PCTP: variants seen among roughly 807,000 people sequenced by gnomAD.
PCTP encodes the protein START domain-containing protein 2.
Under a neutral mutation model 31.0 loss-of-function variants are expected in PCTP, and 27 were observed. That is an observed-to-expected ratio of 0.87 (90% confidence interval 0.64 to 1.20). The LOEUF is 1.20. PCTP is among the 50% of genes most tolerant of loss of function. The pLI, the probability that PCTP is intolerant of heterozygous loss-of-function variation, is 0.00. For synonymous variants in PCTP, 108 were observed against 101.2 expected (o/e 1.07, Z -0.40); for missense variants, 287 against 268.2 (o/e 1.07, Z -0.49).
At chr17:55,802,071 C>T (rs1206682026) in intron 3 of PCTP, among the ~76,000 whole-genome samples, 2 of 151,998 alleles carry the variant, frequency 1.3e-5, no homozygotes, top group Non-Finnish European at 2.9e-5. Context: ...ACTACCATTA[C>T]AGAATACTAT....
At chr17:55,827,038 CAAA>C (rs33976207), downstream of PCTP, among the ~76,000 whole-genome samples, 3,453 of 134,900 alleles carry the variant, frequency 0.026, 67 homozygotes, top group African/African-American at 0.05. Context: ...GGTAAACAGC[CAAA>C]AAAAAAAAAA....
chr17:55,785,666 C>T (rs1479318470), intron 2 of PCTP, among the ~76,000 whole-genome samples: 1 of 152,218 alleles, frequency 6.6e-6, no homozygotes, highest in Non-Finnish European at 1.5e-5. Flanking sequence ...TAGCAATTAT[C>T]ACTACCTACA....
At chr17:55,805,533 T>A (rs1172936986) in intron 3 of PCTP, among the ~76,000 whole-genome samples, 1 of 152,146 alleles carries the variant, frequency 6.6e-6, no homozygotes, top group Non-Finnish European at 1.5e-5. Context: ...AAGGACATGA[T>A]GTCATTCTTT....
intron 1 of PCTP, among the ~76,000 whole-genome samples, chr17:55,752,919 A>AT: frequency 6.6e-6 from 1 of 152,100 alleles, no homozygotes; most frequent in East Asian, 1.9e-4. Context: ...TTTAATTTTT[A>AT]TTTTTTAGAG....
chr17:55,810,270 G>A (rs892474771), intron 3 of PCTP, among the ~76,000 whole-genome samples: 1 of 152,208 alleles, frequency 6.6e-6, no homozygotes, highest in African/African-American at 2.4e-5. Flanking sequence ...TCCTGCCTTG[G>A]CTTCCCAAAG....
At chr17:55,819,046 A>AAGAAG (rs1179246646) in intron 3 of PCTP, among the ~76,000 whole-genome samples, 2 of 149,580 alleles carry the variant, frequency 1.3e-5, no homozygotes, top group Non-Finnish European at 3.0e-5. Flanking sequence ...AAGAAAAGGA[A>AAGAAG]AGAAGAGAGG....
At chr17:55,760,567 C>G (rs1012919884) in intron 1 of PCTP, among the ~76,000 whole-genome samples, 1 of 152,214 alleles carries the variant, frequency 6.6e-6, no homozygotes, top group Non-Finnish European at 1.5e-5. Flanking sequence ...TTCTGACTAG[C>G]TTTTCTGATT....
At chr17:55,817,277 G>T (rs1453436849) in intron 3 of PCTP, among the ~76,000 whole-genome samples, 1 of 152,208 alleles carries the variant, frequency 6.6e-6, no homozygotes, top group Non-Finnish European at 1.5e-5. Flanking sequence ...TCCTGGACCT[G>T]ACCTCACAGC....
intron 3 of PCTP, among the ~76,000 whole-genome samples, chr17:55,802,679 A>G (rs1567725400): frequency 6.6e-6 from 1 of 152,326 alleles, no homozygotes; most frequent in East Asian, 1.9e-4. Context: ...TTTCATGCTA[A>G]AAACTCTCAA....
chr17:55,770,060 T>C (rs1329045230), intron 2 of PCTP: 4 of 152,216 alleles, frequency 2.6e-5, no homozygotes, highest in Admixed American at 2.0e-4. Flanking sequence ...TCCAGGGACT[T>C]TGGGCTCCTT....
intron 3 of PCTP, among the ~76,000 whole-genome samples, chr17:55,794,863 A>T (rs1912132884): frequency 6.6e-6 from 1 of 151,928 alleles, no homozygotes; most frequent in Non-Finnish European, 1.5e-5. Flanking sequence ...CCAGAGGTTA[A>T]ACACTCTCAT....
chr17:55,848,447 C>T, the PCTP span, among the ~76,000 whole-genome samples: 1 of 152,166 alleles, frequency 6.6e-6, no homozygotes, highest in Non-Finnish European at 1.5e-5. Context: ...AAGTTTTACC[C>T]TTACTAGGTC....
downstream of PCTP, among the ~76,000 whole-genome samples, chr17:55,827,927 C>T (rs1377741375): frequency 6.6e-6 from 1 of 152,156 alleles, no homozygotes; most frequent in African/African-American, 2.4e-5. Flanking sequence ...ACCACTGTTA[C>T]TCCCAGCAAA....
rs919543864 is a variant in PCTP at position 55,757,218 on chromosome 17, A to G, written c.141+5974A>G. Among the ~76,000 whole-genome samples the G allele has an allele frequency of 1.1e-3, 166 of 149,726 alleles. 1 individual carries two copies. The highest frequency in any genetic ancestry group is 3.9e-3 in the African/African-American group (157 of 39,832). On this transcript the variant is annotated intron_variant, in intron 1 of 5. Coordinates refer to ENST00000268896, the MANE Select transcript of PCTP (RefSeq NM_021213.4). ...CACATGCTTGTGTGTGTATATATGTATATATATACACATATATACATGTAT... is the reference window on the plus strand; with the variant it reads ...CACATGCTTGTGTGTGTATATATGTGTATATATACACATATATACATGTAT...
At chr17:55,791,987 T>C (rs867583431) in intron 3 of PCTP, among the ~76,000 whole-genome samples, 5 of 151,482 alleles carry the variant, frequency 3.3e-5, no homozygotes, top group African/African-American at 1.2e-4. Context: ...TAAAAAATGA[T>C]GAGTTCATGT....
chr17:55,767,306 A>G, intron 1 of PCTP, 29 bp from the exon 2 acceptor site: 1 of 1,390,848 alleles, frequency 7.2e-7, no homozygotes, highest in South Asian at 1.2e-5. Context: ...GGGAACCAAT[A>G]GACATTTCTA....
downstream of PCTP, among the ~76,000 whole-genome samples, chr17:55,780,957 C>G (rs1911541963): frequency 6.6e-6 from 1 of 151,854 alleles, no homozygotes; most frequent in African/African-American, 2.4e-5. Context: ...CTCTGCCTCC[C>G]TTGGACTGTT....
At chr17:55,799,598 G>A (rs946056783) in intron 3 of PCTP, among the ~76,000 whole-genome samples, 1 of 152,098 alleles carries the variant, frequency 6.6e-6, no homozygotes, top group Non-Finnish European at 1.5e-5. Flanking sequence ...TGTTATGTGT[G>A]AATTTGATCC....
Position 55,776,531 on chromosome 17 carries a change from A to G in PCTP, c.*431A>G. 1 of 1,232,126 alleles carries G rather than the reference A, an allele frequency of 8.1e-7. No homozygotes were observed. Among genetic ancestry groups the G allele is most frequent in the Non-Finnish European group, 1.0e-6 (1 of 988,302 alleles). The allele number at this position is 1,232,126 out of a possible 1,614,324, so 76.3% of individuals were successfully genotyped here. A position where few individuals can be genotyped will look rare whatever the true frequency, so the allele number is the denominator to read the frequency against. ...TATTTGGGCGGGCTGGCTCTTTTGC[A>G]GCTTGTGATTTCTTCCAGCTTGGGA... is the stretch of plus-strand genomic sequence containing the variant. On this transcript the variant is annotated 3_prime_UTR_variant, in exon 6 of 6. Coordinates refer to ENST00000268896, the MANE Select transcript of PCTP (RefSeq NM_021213.4).
Sources: allele counts gnomAD v4.1 joint callset (sites outside exome capture counted in the v4.1 genomes callset), GRCh38; gene constraint gnomAD v4.1.1; transcripts MANE v1.5; gene names NCBI Gene and HGNC (gene_info 2026-07-23, HGNC 2026-07-21).